The following SNX29 variants were observed in gnomAD, a reference collection of about 807,000 sequenced individuals.
The protein encoded by SNX29 is sorting nexin 29.
SNX29 carries 78 observed loss-of-function variants against 102.1 expected under a neutral mutation model. The observed-to-expected ratio is 0.76, with a 90% CI of 0.64 to 0.92. The LOEUF is 0.92. Among genes scored for constraint, SNX29 ranks in the 40% least tolerant of loss-of-function variants. The probability of loss-of-function intolerance (pLI) is 0.00; values close to 1 mark genes in which losing one functional copy is unlikely to be tolerated. For synonymous variants in SNX29, 580 were observed against 414.5 expected, an observed-to-expected ratio of 1.40 and a Z score of -4.85; for missense variants, 1,280 against 1,061.7, an observed-to-expected ratio of 1.21 and a Z score of -2.86.
rs904159094 is a variant in SNX29, at chr16:12,339,423, G to A, written c.1783-16740G>A. On this transcript the variant is annotated intron_variant, in intron 15 of 20. Coordinates refer to ENST00000566228, the MANE Select transcript of SNX29 (RefSeq NM_032167.5). ...TATGGGTAGTGAGTTTCTTGTGAGTGGAGGTGTTGAAGCAGAAACTGGGCA... is the reference window on the plus strand; with the variant it reads ...TATGGGTAGTGAGTTTCTTGTGAGTAGAGGTGTTGAAGCAGAAACTGGGCA... Among the ~76,000 whole-genome samples the A allele has an allele frequency of 1.3e-5, 2 of 148,890 alleles. 1 individual carries two copies. Among genetic ancestry groups the A allele is most frequent in the South Asian group, 4.2e-4 (2 of 4,752 alleles).
At chr16:12,420,472 G>T (rs1356706741) in intron 18 of SNX29, among the ~76,000 whole-genome samples, 1 of 152,124 alleles carries the variant, frequency 6.6e-6, no homozygotes, top group Non-Finnish European at 1.5e-5. Context: ...TCTGCTGGAG[G>T]AATCAAACCT....
At chr16:12,475,697 G>A (rs928870774) in intron 18 of SNX29, among the ~76,000 whole-genome samples, 8 of 152,194 alleles carry the variant, frequency 5.3e-5, no homozygotes, top group Admixed American at 4.6e-4. Flanking sequence ...AACAGCTCAT[G>A]TAAAGTATCA....
intron 15 of SNX29, among the ~76,000 whole-genome samples, chr16:12,312,483 A>C (rs1409179984): frequency 6.6e-6 from 1 of 152,170 alleles, no homozygotes; most frequent in Middle Eastern, 3.2e-3. Flanking sequence ...CTTTCCTTGT[A>C]AATGTAGATG....
intron 16 of SNX29, among the ~76,000 whole-genome samples, chr16:12,361,897 G>A (rs750299847): frequency 1.3e-5 from 2 of 151,570 alleles, no homozygotes; most frequent in Non-Finnish European, 2.9e-5. Flanking sequence ...ACTGTTACCA[G>A]TCTTGGGTTT....
intron 13 of SNX29, among the ~76,000 whole-genome samples, chr16:12,167,509 T>C (rs2076044481): frequency 6.6e-6 from 1 of 152,200 alleles, no homozygotes; most frequent in African/African-American, 2.4e-5. Flanking sequence ...AATATGATCA[T>C]CATCATAGTA....
intron 18 of SNX29, among the ~76,000 whole-genome samples, chr16:12,407,694 G>A (rs945250947): frequency 1.3e-5 from 2 of 152,186 alleles, no homozygotes; most frequent in Admixed American, 1.3e-4. Flanking sequence ...TATAGGTGAA[G>A]AATCAAAGGC....
At chr16:12,075,093 T>C (rs1596782756) in intron 10 of SNX29, among the ~76,000 whole-genome samples, 1 of 152,222 alleles carries the variant, frequency 6.6e-6, no homozygotes, top group Non-Finnish European at 1.5e-5. Flanking sequence ...TTTCAACTTC[T>C]TTGCCTTTGG....
In SNX29 at chr16:12,549,826, G is replaced by C. The variant is rs2077853253; in HGVS notation, c.2319-18680G>C. On this transcript the variant is annotated intron_variant, in intron 20 of 20. Coordinates refer to ENST00000566228, the MANE Select transcript of SNX29 (RefSeq NM_032167.5). ...ATGGCTTCTGTGCCCTGTGTGGCCA[G>C]GCCTTGCCTCCTTGGCCGCATGACT... 3.3e-5 allele frequency among the ~76,000 whole-genome samples: 5 copies of C among 152,260 alleles called. No individual in the cohort carries two copies. In the South Asian group the frequency reaches 1.0e-3, roughly 31 times the overall value.
At position 12,047,842 on chromosome 16, in the gene SNX29, A is replaced by T. The variant is rs374342736; in HGVS notation, c.500-530A>T. 5.9e-5 allele frequency among the ~76,000 whole-genome samples: 9 copies of T among 151,972 alleles called. No individual in the cohort carries two copies. The East Asian group carries it at 1.5e-3, about 26-fold the overall frequency. On this transcript the variant is annotated intron_variant, in intron 6 of 20. Coordinates refer to ENST00000566228, the MANE Select transcript of SNX29 (RefSeq NM_032167.5). Reference sequence around the variant, plus strand: ...CTGGCTAATTTTGTATTTTTAGTAGATATGGGGTTTCTCCATGTTGGTCAG... The same window carrying T: ...CTGGCTAATTTTGTATTTTTAGTAGTTATGGGGTTTCTCCATGTTGGTCAG...
At chr16:12,553,244 G>T (rs145144176) in intron 20 of SNX29, among the ~76,000 whole-genome samples, 2 of 152,192 alleles carry the variant, frequency 1.3e-5, no homozygotes, top group African/African-American at 4.8e-5. Context: ...AATACAGAGA[G>T]AGATTGTACA....
intron 19 of SNX29, among the ~76,000 whole-genome samples, chr16:12,513,842 C>A (rs1234196428): frequency 1.3e-5 from 2 of 152,216 alleles, no homozygotes; most frequent in African/African-American, 4.8e-5. Flanking sequence ...GCTATGAGGG[C>A]CACCATGCCC....
intron 20 of SNX29, among the ~76,000 whole-genome samples, chr16:12,528,224 A>T (rs1013351089): frequency 6.6e-6 from 1 of 151,640 alleles, no homozygotes; most frequent in Non-Finnish European, 1.5e-5. Context: ...TTTTGAGACA[A>T]GTTCTCACTC....
chr16:12,329,640 C>T (rs1213796997), intron 15 of SNX29, among the ~76,000 whole-genome samples: 1 of 150,614 alleles, frequency 6.6e-6, no homozygotes, highest in East Asian at 2.5e-4. Flanking sequence ...GTGTGTATTA[C>T]CTTCGTGTCT....
At chr16:12,476,372 A>T (rs1263532201) in intron 18 of SNX29, among the ~76,000 whole-genome samples, 2 of 35,242 alleles carry the variant, frequency 5.7e-5, no homozygotes, top group African/African-American at 1.2e-4. Context: ...AAAAAAAAAA[A>T]AAAAAAAAAA....
intron 20 of SNX29, among the ~76,000 whole-genome samples, chr16:12,543,174 G>A (rs1288568792): frequency 6.6e-6 from 1 of 152,182 alleles, no homozygotes; most frequent in African/African-American, 2.4e-5. Context: ...ATCAGCTCCT[G>A]TAGAAGTCCT....
At chr16:12,114,129 G>T (rs934840337) in intron 11 of SNX29, among the ~76,000 whole-genome samples, 5 of 152,200 alleles carry the variant, frequency 3.3e-5, no homozygotes, top group African/African-American at 4.8e-5. Context: ...TGCCAACTCA[G>T]TGTAGGTTCC....
chr16:12,435,378 G>A (rs1055987579), intron 18 of SNX29, among the ~76,000 whole-genome samples: 11 of 152,176 alleles, frequency 7.2e-5, no homozygotes, highest in African/African-American at 2.7e-4. Context: ...TTAAACTGAT[G>A]ACCAGCGAGG....
chr16:12,237,499 A>G (rs1186064507), intron 14 of SNX29, among the ~76,000 whole-genome samples: 1 of 152,132 alleles, frequency 6.6e-6, no homozygotes, highest in Non-Finnish European at 1.5e-5. Flanking sequence ...GGCCGGGTGC[A>G]GTGGCTCACG....
chr16:12,482,608 G>A (rs2087999639), intron 19 of SNX29, among the ~76,000 whole-genome samples: 3 of 152,170 alleles, frequency 2.0e-5, no homozygotes, highest in Non-Finnish European at 2.9e-5. Context: ...GGCCAGGGTT[G>A]ATTGAATTTT....
Sources: allele counts gnomAD v4.1 joint callset (sites outside exome capture counted in the v4.1 genomes callset), GRCh38; gene constraint gnomAD v4.1.1; transcripts MANE v1.5; gene names NCBI Gene and HGNC (gene_info 2026-07-23, HGNC 2026-07-21).